The following MYRIP variants were observed in gnomAD, a reference collection of about 807,000 sequenced individuals.
The protein encoded by MYRIP is myosin VIIA and Rab interacting protein.
MYRIP carries 49 observed loss-of-function variants against 98.0 expected under a neutral mutation model. The observed-to-expected ratio is 0.50, with a 90% CI of 0.40 to 0.63. MYRIP has a LOEUF of 0.63. Among genes scored for constraint, MYRIP ranks in the 30% least tolerant of loss-of-function variants. The pLI is 0.00. For missense variants in MYRIP, 1,004 were observed against 1,058.2 expected, an observed-to-expected ratio of 0.95 and a Z score of 0.71; for synonymous variants, 404 against 409.5, an observed-to-expected ratio of 0.99 and a Z score of 0.16.
intron 10 of MYRIP, among the ~76,000 whole-genome samples, chr3:40,195,091 A>G (rs1222053096): frequency 6.6e-6 from 1 of 152,198 alleles, no homozygotes; most frequent in African/African-American, 2.4e-5. Flanking sequence ...TAGCAATGAC[A>G]TCTGGCACCT....
At chr3:39,980,941 G>A (rs185688159) in intron 2 of MYRIP, among the ~76,000 whole-genome samples, 5 of 152,260 alleles carry the variant, frequency 3.3e-5, no homozygotes, top group Admixed American at 1.3e-4. Flanking sequence ...TTTACAAGAC[G>A]AAGAGAATTA....
chr3:39,846,568 T>G (rs1941972798), intron 1 of MYRIP, among the ~76,000 whole-genome samples: 1 of 152,150 alleles, frequency 6.6e-6, no homozygotes, highest in Non-Finnish European at 1.5e-5. Context: ...TGTTCCTCAT[T>G]GTTGCTTTGA....
chr3:40,197,984 T>C (rs1575619726), intron 10 of MYRIP, among the ~76,000 whole-genome samples: 1 of 152,164 alleles, frequency 6.6e-6, no homozygotes, highest in Admixed American at 6.5e-5. Context: ...TCTGATCAGA[T>C]GGCTAAGAAC....
At chr3:40,136,987 A>G (rs1949791437) in intron 3 of MYRIP, among the ~76,000 whole-genome samples, 3 of 152,172 alleles carry the variant, frequency 2.0e-5, no homozygotes, top group African/African-American at 7.2e-5. Context: ...GAGAAGCAAG[A>G]GCAAACACAT....
At chr3:39,915,492 TA>T (rs900871107) in intron 2 of MYRIP, among the ~76,000 whole-genome samples, 1 of 152,088 alleles carries the variant, frequency 6.6e-6, no homozygotes, top group Non-Finnish European at 1.5e-5. Context: ...TATATACTAA[TA>T]AAAAATTATT....
At chr3:39,902,463 A>G (rs929059843) in intron 2 of MYRIP, among the ~76,000 whole-genome samples, 1 of 152,124 alleles carries the variant, frequency 6.6e-6, no homozygotes, top group Admixed American at 6.5e-5. Flanking sequence ...TCTTTCCTCT[A>G]CTGAACCATT....
Position 39,813,220 on chromosome 3 carries a change from A to G in MYRIP, c.-31+3304A>G, listed in dbSNP as rs907720588. On this transcript the variant is annotated intron_variant, in intron 1 of 16. Transcript: ENST00000302541. Reference sequence around the variant, plus strand: ...ACATAGCCCTGGCTGTAGCCACGCTACTGTTGCTGGAAGACATGTCCCAAA... The same window carrying G: ...ACATAGCCCTGGCTGTAGCCACGCTGCTGTTGCTGGAAGACATGTCCCAAA... Among the ~76,000 whole-genome samples the G allele has an allele frequency of 9.2e-5, 14 of 152,290 alleles. No individual in the cohort carries two copies. The South Asian group carries it at 2.9e-3, about 32-fold the overall frequency.
intron 2 of MYRIP, among the ~76,000 whole-genome samples, chr3:40,026,766 C>G (rs912481885): frequency 6.6e-6 from 1 of 152,168 alleles, no homozygotes; most frequent in Non-Finnish European, 1.5e-5. Flanking sequence ...GACCCCCATG[C>G]AGCCAAATCC....
intron 2 of MYRIP, among the ~76,000 whole-genome samples, chr3:39,918,368 G>A (rs1018676206): frequency 1.3e-5 from 2 of 152,216 alleles, no homozygotes; most frequent in Non-Finnish European, 2.9e-5. Context: ...CTCTGCCAGA[G>A]GACCCTCTTC....
chr3:39,864,376 A>G (rs555309769), intron 1 of MYRIP, among the ~76,000 whole-genome samples: 16 of 152,196 alleles, frequency 1.1e-4, no homozygotes, highest in Non-Finnish European at 2.2e-4. Context: ...TGCAGACAAT[A>G]TGATTCTATA....
At chr3:39,962,027 A>G (rs928453756) in intron 2 of MYRIP, among the ~76,000 whole-genome samples, 1 of 152,166 alleles carries the variant, frequency 6.6e-6, no homozygotes, top group African/African-American at 2.4e-5. Flanking sequence ...AGGCCAGTTA[A>G]GAGCAGAATA....
chr3:39,978,521 C>G (rs886705715), intron 2 of MYRIP, among the ~76,000 whole-genome samples: 1 of 152,182 alleles, frequency 6.6e-6, no homozygotes, highest in Non-Finnish European at 1.5e-5. Context: ...CTGTCTCTCT[C>G]ACATTGTAAA....
At chr3:40,151,715 C>A (rs889292039) in intron 4 of MYRIP, among the ~76,000 whole-genome samples, 1 of 152,154 alleles carries the variant, frequency 6.6e-6, no homozygotes, top group Non-Finnish European at 1.5e-5. Flanking sequence ...GATAACCAAG[C>A]TACTTGGAAT....
intron 11 of MYRIP, among the ~76,000 whole-genome samples, chr3:40,224,086 G>A (rs1669770326): frequency 6.6e-6 from 1 of 152,164 alleles, no homozygotes; most frequent in Non-Finnish European, 1.5e-5. Flanking sequence ...AGAGCAATGT[G>A]GCCAAGGGAA....
At chr3:40,163,228 A>G (rs1950432831) in intron 5 of MYRIP, among the ~76,000 whole-genome samples, 1 of 152,204 alleles carries the variant, frequency 6.6e-6, no homozygotes, top group African/African-American at 2.4e-5. Context: ...ACAAACTTCT[A>G]ATTTCAAATA....
intron 11 of MYRIP, among the ~76,000 whole-genome samples, chr3:40,212,100 G>A (rs1242702291): frequency 1.4e-5 from 2 of 141,418 alleles, no homozygotes; most frequent in African/African-American, 5.1e-5. Flanking sequence ...ATATATGTGT[G>A]TGTGTATATA....
Position 39,978,779 on chromosome 3 carries a change from C to A in MYRIP, c.111-65271C>A, listed in dbSNP as rs374918077. On this transcript the variant is annotated intron_variant, in intron 2 of 16. Transcript: ENST00000302541. ...ATCTTGTTAAAGACATTTGTTTGCACGGAAAGTGCTACACACTTTATCTAT... is the reference window on the plus strand; with the variant it reads ...ATCTTGTTAAAGACATTTGTTTGCAAGGAAAGTGCTACACACTTTATCTAT... Among the ~76,000 whole-genome samples the A allele has an allele frequency of 1.4e-3, 205 of 151,314 alleles. 2 individuals carry two copies. In the South Asian group the frequency reaches 0.041, roughly 30 times the overall value.
intron 4 of MYRIP, among the ~76,000 whole-genome samples, chr3:40,161,788 C>T (rs1950400888): frequency 1.3e-5 from 2 of 152,248 alleles, no homozygotes; most frequent in Middle Eastern, 3.4e-3. Flanking sequence ...CACTCACCTC[C>T]CCCTTCCAAG....
At chr3:39,949,172 T>C (rs1944958749) in intron 2 of MYRIP, among the ~76,000 whole-genome samples, 1 of 152,132 alleles carries the variant, frequency 6.6e-6, no homozygotes, top group Non-Finnish European at 1.5e-5. Context: ...TTTGGACAAG[T>C]TGAATTTGAG....
Sources: allele counts gnomAD v4.1 joint callset (sites outside exome capture counted in the v4.1 genomes callset), GRCh38; gene constraint gnomAD v4.1.1; transcripts MANE v1.5; gene names NCBI Gene and HGNC (gene_info 2026-07-23, HGNC 2026-07-21).